TNFRSF9: variants seen among roughly 807,000 people sequenced by gnomAD.
TNFRSF9 encodes TNF receptor superfamily member 9, also known as tumor necrosis factor receptor superfamily member 9.
A neutral mutation model predicts 28.8 loss-of-function variants in TNFRSF9; 16 were observed. The ratio of observed to expected loss-of-function variants is 0.55; its 90% CI spans 0.38 to 0.84. The LOEUF is 0.84. Ranked by LOEUF, TNFRSF9 falls within the 40% of genes least tolerant of loss-of-function variation. TNFRSF9 has a pLI of 0.00. For synonymous variants in TNFRSF9, 131 were observed against 117.0 expected (o/e 1.12, Z -0.77); for missense variants, 303 against 315.0 (o/e 0.96, Z 0.29).
chr1:7,935,138 G>C lies in TNFRSF9; in HGVS notation c.419C>G (p.Ser140Cys), dbSNP rs772174985. 1 of 1,614,152 alleles carries C rather than the reference G, an allele frequency of 6.2e-7. No homozygotes were observed. The highest frequency in any genetic ancestry group is 2.2e-5 in the East Asian group (1 of 44,882). ...CACAAGCACAGACTTTCCATCCAAA[G>C]AACAGCTTAGACAGTTCAATGAAAA... ...RGICRPWTNC[S>C]LDGKSVLVNG... Residue 140 changes from serine to cysteine, a missense_variant, in exon 6 of 8, where the codon TCT (serine) becomes TGT (cysteine). By Grantham distance (112) the Ser-to-Cys change is moderately radical (BLOSUM62 -1). Transcript: ENST00000377507.
chr1:7,933,056 G>A, intron 7 of TNFRSF9, 106 bp downstream of exon 7: 3 of 1,380,596 alleles, frequency 2.2e-6, no homozygotes, highest in South Asian at 1.5e-5. Context: ...ATAGCCACGG[G>A]GCTATATGAA....
chr1:7,926,322 T>C (rs1175822806), intron 7 of TNFRSF9, among the ~76,000 whole-genome samples: 1 of 152,214 alleles, frequency 6.6e-6, no homozygotes, highest in Non-Finnish European at 1.5e-5. Context: ...GTTTGTAGTA[T>C]AGGAGGGATA....
chr1:7,931,779 A>G (rs1639734510), intron 7 of TNFRSF9, among the ~76,000 whole-genome samples: 1 of 152,268 alleles, frequency 6.6e-6, no homozygotes, highest in African/African-American at 2.4e-5. Context: ...TTTTCTGTAT[A>G]GGTCACAATG....
At chr1:7,923,504 A>G (rs1477682031) in intron 7 of TNFRSF9, among the ~76,000 whole-genome samples, 2 of 152,138 alleles carry the variant, frequency 1.3e-5, no homozygotes, top group Non-Finnish European at 2.9e-5. Flanking sequence ...TTCCTTCCCT[A>G]GAGTGATGTC....
Position 7,933,157 on chromosome 1 carries a change from C to A in TNFRSF9, c.679+5G>T. On this transcript the variant is annotated splice_donor_5th_base_variant and intron_variant, in intron 7 of 7. Transcript: ENST00000377507. ...AGAGCTGTAATATGATTATGTTAAT[C>A]TTACGTTGTTTGAATATATACAGGA... is the stretch of plus-strand genomic sequence containing the variant. The A allele has an allele frequency of 6.2e-7, 1 of 1,605,946 alleles. No homozygotes were observed. Among genetic ancestry groups the A allele is most frequent in the Non-Finnish European group, 8.5e-7 (1 of 1,176,434 alleles).
chr1:7,929,157 C>CTTTTTTTTTTTTTTTTTTTTT (rs1491203940), intron 7 of TNFRSF9, among the ~76,000 whole-genome samples: 3 of 65,440 alleles, frequency 4.6e-5, no homozygotes, highest in Admixed American at 1.8e-4. Flanking sequence ...TTTTCTTTTT[C>CTTTTTTTTTTTTTTTTTTTTT]CTTTTTTTTT....
intron 4 of TNFRSF9, 58 bp from the exon 5 acceptor site, chr1:7,937,814 T>C: frequency 1.4e-6 from 2 of 1,462,970 alleles, no homozygotes; most frequent in Non-Finnish European, 1.9e-6. Context: ...TTTTGTAACT[T>C]TTCCTGTGAT....
At chr1:7,936,303 A>C (rs191995296) in intron 5 of TNFRSF9, among the ~76,000 whole-genome samples, 1 of 152,256 alleles carries the variant, frequency 6.6e-6, no homozygotes, top group African/African-American at 2.4e-5. Context: ...CTGTAATCCC[A>C]GCTACTAGGA....
chr1:7,934,227 A>G (rs1400784319), intron 6 of TNFRSF9, among the ~76,000 whole-genome samples: 2 of 151,952 alleles, frequency 1.3e-5, no homozygotes, highest in African/African-American at 4.8e-5. Context: ...AAAATAAAAA[A>G]TTAGCCAGGT....
chr1:7,939,442 T>G (rs534345262), intron 2 of TNFRSF9, among the ~76,000 whole-genome samples: 1 of 152,298 alleles, frequency 6.6e-6, no homozygotes, highest in East Asian at 1.9e-4. Flanking sequence ...TCTTGATTGA[T>G]GTAGGAGATG....
In TNFRSF9 at chr1:7,933,271, G is replaced by C. The variant is rs1473345781; in HGVS notation, c.570C>G (p.Phe190Leu). The C allele has an allele frequency of 6.2e-7, 1 of 1,613,682 alleles. No individual in the cohort carries two copies. The highest frequency in any genetic ancestry group is 1.3e-5 in the African/African-American group (1 of 75,032). ...EPGHSPQIIS[F>L]FLALTSTALL... ...ACGCAGTCGACGTCAGCGCAAGAAA[G>C]AAGGAGATGATCTGCGGAGAGTGTC... The change falls in exon 7 of 8, where the codon TTC (phenylalanine) becomes TTG (leucine). Residue 190 changes from phenylalanine to leucine, a missense_variant. Physicochemically the swap from Phe to Leu is conservative, Grantham distance 22 (BLOSUM62 0). Transcript: ENST00000377507.
At chr1:7,929,920 A>ATCT (rs535308246) in intron 7 of TNFRSF9, among the ~76,000 whole-genome samples, 74 of 150,916 alleles carry the variant, frequency 4.9e-4, no homozygotes, top group Non-Finnish European at 1.0e-3. Flanking sequence ...ATTCCTGTGA[A>ATCT]TCTATAATTA....
In TNFRSF9 at chr1:7,916,226, T is replaced by G. The variant is rs1049522256; in HGVS notation, c.*4609A>C. 1.3e-5 allele frequency: 2 copies of G among 152,376 alleles called. No individual in the cohort carries two copies. The highest frequency in any genetic ancestry group is 2.4e-5 in the African/African-American group (1 of 41,596). 9.4% of individuals were successfully genotyped at this position (152,376 alleles called of 1,614,324 possible). A position where few individuals can be genotyped will look rare whatever the true frequency, so the allele number is the denominator to read the frequency against. On this transcript the variant is annotated 3_prime_UTR_variant, in exon 8 of 8. Coordinates refer to ENST00000377507, the MANE Select transcript of TNFRSF9 (RefSeq NM_001561.6). ...ATCCCTAAATGTGCTAATTTATTTTTAATCATAGAAATTTACATTTATTTC... is the reference window on the plus strand; with the variant it reads ...ATCCCTAAATGTGCTAATTTATTTTGAATCATAGAAATTTACATTTATTTC...
At chr1:7,929,151 CT>C (rs1277588656) in intron 7 of TNFRSF9, among the ~76,000 whole-genome samples, 5 of 97,496 alleles carry the variant, frequency 5.1e-5, no homozygotes, top group Non-Finnish European at 9.1e-5. Flanking sequence ...TCTTTTTTTT[CT>C]TTTTCCTTTT....
At chr1:7,927,062 T>A (rs202034408) in intron 7 of TNFRSF9, among the ~76,000 whole-genome samples, 1 of 148,020 alleles carries the variant, frequency 6.8e-6, no homozygotes, top group African/African-American at 2.5e-5. Flanking sequence ...TGTCTCAAAA[T>A]AAAAAAAAAA....
rs1249798209 is a variant in TNFRSF9, at chr1:7,917,337, C to T, written c.*3498G>A. The T allele has an allele frequency of 6.6e-6, 1 of 152,210 alleles. No homozygotes were observed. The highest frequency in any genetic ancestry group is 2.4e-5 in the African/African-American group (1 of 41,406). 9.4% of individuals were successfully genotyped at this position (152,210 alleles called of 1,614,324 possible). On this transcript the variant is annotated 3_prime_UTR_variant, in exon 8 of 8. Coordinates refer to ENST00000377507, the MANE Select transcript of TNFRSF9 (RefSeq NM_001561.6). ...TAATAAACACAGTGTGATACTGGCA[C>T]AGGATAGACAAATTGACAATGGAAC...
Position 7,932,721 on chromosome 1 carries a change from G to GCACACACACACATACACA in TNFRSF9, c.679+423_679+440dup. Among the ~76,000 whole-genome samples, 5 of 142,746 alleles carry GCACACACACACATACACA rather than the reference G, an allele frequency of 3.5e-5. 2 individuals carry two copies. The highest frequency in any genetic ancestry group is 1.4e-4 in the African/African-American group (5 of 36,274). 93.6% of individuals were successfully genotyped at this position (142,746 alleles called of 152,430 possible). A position where few individuals can be genotyped will look rare whatever the true frequency, so the allele number is the denominator to read the frequency against. ...CACACACGCACACACACACAGACAC[G>GCACACACACACATACACA]CACACACACACATACACACACACAC... On this transcript the variant is annotated intron_variant, in intron 7 of 7. Transcript: ENST00000377507.
At chr1:7,932,734 TACACACACAC>T (rs3841802) in intron 7 of TNFRSF9, among the ~76,000 whole-genome samples, 1 of 148,226 alleles carries the variant, frequency 6.7e-6, no homozygotes, top group Non-Finnish European at 1.5e-5. Flanking sequence ...CACACACACA[TACACACACAC>T]ACACACATAC....
intron 7 of TNFRSF9, among the ~76,000 whole-genome samples, chr1:7,922,514 G>A (rs1639576926): frequency 1.3e-5 from 2 of 152,072 alleles, no homozygotes; most frequent in Admixed American, 1.3e-4. Context: ...ACAAAACAAA[G>A]CAAAAACCAA....
Sources: allele counts gnomAD v4.1 joint callset (sites outside exome capture counted in the v4.1 genomes callset), GRCh38; gene constraint gnomAD v4.1.1; transcripts MANE v1.5; gene names NCBI Gene and HGNC (gene_info 2026-07-23, HGNC 2026-07-21).